The following GRIN2B variants were observed in gnomAD, a reference collection of about 807,000 sequenced individuals.
GRIN2B encodes glutamate ionotropic receptor NMDA type subunit 2B.
GRIN2B carries 5 observed loss-of-function variants against 114.5 expected under a neutral mutation model. That is an observed-to-expected ratio of 0.04 (90% CI 0.02 to 0.09). The LOEUF (loss-of-function observed/expected upper bound fraction) is 0.09. GRIN2B is among the 10% of genes least tolerant of loss of function. The pLI is 1.00. For missense variants in GRIN2B, 1,108 were observed against 1,943.5 expected, an observed-to-expected ratio of 0.57 and a Z score of 8.08; for synonymous variants, 787 against 745.1, an observed-to-expected ratio of 1.06 and a Z score of -0.92.
At chr12:13,889,758 C>G (rs1242416613) in intron 2 of GRIN2B, among the ~76,000 whole-genome samples, 1 of 152,164 alleles carries the variant, frequency 6.6e-6, no homozygotes, top group Non-Finnish European at 1.5e-5. Flanking sequence ...TTCGCACTGG[C>G]AAAATTGGCA....
At chr12:13,865,011 T>C (rs190491553) in intron 3 of GRIN2B, among the ~76,000 whole-genome samples, 1 of 152,322 alleles carries the variant, frequency 6.6e-6, no homozygotes, top group East Asian at 1.9e-4. Context: ...TCCATCTGGA[T>C]GTGCAGATCA....
intron 3 of GRIN2B, among the ~76,000 whole-genome samples, chr12:13,825,493 A>ATATATTTTT (rs1555144006): frequency 1.8e-4 from 5 of 28,126 alleles, no homozygotes; most frequent in African/African-American, 5.7e-4. Flanking sequence ...ATATATATAT[A>ATATATTTTT]TTTTGTGTGT....
At position 13,547,954 on chromosome 12, in the gene GRIN2B, T is replaced by A. The variant is rs1191939603; in HGVS notation, c.*14829A>T. The A allele has an allele frequency of 1.1e-5, 1 of 87,172 alleles. No homozygotes were observed. Among genetic ancestry groups the A allele is most frequent in the Non-Finnish European group, 2.3e-5 (1 of 43,460 alleles). The allele number at this position is 87,172 out of a possible 1,614,324, so 5.4% of individuals were successfully genotyped here. On this transcript the variant is annotated 3_prime_UTR_variant, in exon 14 of 14. Transcript: ENST00000609686. ...ATGTATATGTATGTATGTATGTATG[T>A]GTGTGTATATATATATATATATATA... is the stretch of plus-strand genomic sequence containing the variant.
rs1003412070 is a variant in GRIN2B at position 13,552,357 on chromosome 12, G to T, written c.*10426C>A. On this transcript the variant is annotated 3_prime_UTR_variant, in exon 14 of 14. Coordinates refer to ENST00000609686, the MANE Select transcript of GRIN2B (RefSeq NM_000834.5). ...GCTCTTTCAAGTTTCCCTACTTTCC[G>T]AAGCTATCATTGAAGCCAGTAACCA... 1 of 152,072 alleles carries T rather than the reference G, an allele frequency of 6.6e-6. No homozygotes were observed. The highest frequency in any genetic ancestry group is 2.4e-5 in the African/African-American group (1 of 41,392). 9.4% of individuals were successfully genotyped at this position (152,072 alleles called of 1,614,324 possible).
At chr12:13,643,924 C>A (rs902093650) in intron 5 of GRIN2B, among the ~76,000 whole-genome samples, 5 of 152,144 alleles carry the variant, frequency 3.3e-5, no homozygotes, top group African/African-American at 1.2e-4. Flanking sequence ...ACTGTTTCCA[C>A]CACATCTGTA....
At chr12:13,951,939 A>G (rs778236383) in intron 2 of GRIN2B, among the ~76,000 whole-genome samples, 1 of 152,214 alleles carries the variant, frequency 6.6e-6, no homozygotes, top group Non-Finnish European at 1.5e-5. Flanking sequence ...ATCCTTATTA[A>G]TTGCTTGCAA....
intron 2 of GRIN2B, among the ~76,000 whole-genome samples, chr12:13,944,412 G>T (rs1867326810): frequency 6.6e-6 from 1 of 152,162 alleles, no homozygotes; most frequent in South Asian, 2.1e-4. Flanking sequence ...CAGAAGCAGA[G>T]CTGTGTGTAC....
At chr12:13,919,590 C>T (rs1439116468) in intron 2 of GRIN2B, among the ~76,000 whole-genome samples, 1 of 152,052 alleles carries the variant, frequency 6.6e-6, no homozygotes, top group Non-Finnish European at 1.5e-5. Context: ...TAACAAATGC[C>T]ACGTGATGCA....
chr12:13,630,696 G>A (rs1949608921), intron 5 of GRIN2B, among the ~76,000 whole-genome samples: 1 of 152,048 alleles, frequency 6.6e-6, no homozygotes, highest in Non-Finnish European at 1.5e-5. Flanking sequence ...TGACCCCCTG[G>A]AGACCAACCC....
At chr12:13,899,771 G>A (rs1013350264) in intron 2 of GRIN2B, among the ~76,000 whole-genome samples, 1 of 133,836 alleles carries the variant, frequency 7.5e-6, no homozygotes, top group Non-Finnish European at 1.8e-5. Flanking sequence ...CTATGAAGAC[G>A]TAGCTATGGC....
intron 2 of GRIN2B, among the ~76,000 whole-genome samples, chr12:13,907,176 C>T (rs958963707): frequency 6.6e-6 from 1 of 152,102 alleles, no homozygotes; most frequent in Non-Finnish European, 1.5e-5. Context: ...GAAAGAATCT[C>T]ATAGGTAAGA....
chr12:13,876,557 C>A (rs866802238), intron 2 of GRIN2B, among the ~76,000 whole-genome samples: 1 of 152,306 alleles, frequency 6.6e-6, no homozygotes, highest in Non-Finnish European at 1.5e-5. Context: ...TACTTAAATT[C>A]TAATCCCAGG....
At chr12:13,892,205 G>T (rs1035104659) in intron 2 of GRIN2B, among the ~76,000 whole-genome samples, 4 of 152,078 alleles carry the variant, frequency 2.6e-5, no homozygotes, top group African/African-American at 9.7e-5. Context: ...AAAGAACCAA[G>T]GTGAGATCCT....
intron 9 of GRIN2B, among the ~76,000 whole-genome samples, chr12:13,609,238 A>G (rs867902283): frequency 6.6e-6 from 1 of 152,212 alleles, no homozygotes; most frequent in African/African-American, 2.4e-5. Flanking sequence ...TTATATTTGT[A>G]TCTACCAAGA....
At chr12:13,836,014 A>G (rs1591759379) in intron 3 of GRIN2B, among the ~76,000 whole-genome samples, 1 of 152,224 alleles carries the variant, frequency 6.6e-6, no homozygotes, top group African/African-American at 2.4e-5. Flanking sequence ...AGGCCCAGCC[A>G]TTCTTCAAGA....
intron 5 of GRIN2B, among the ~76,000 whole-genome samples, chr12:13,620,062 G>A (rs138536434): frequency 5.3e-5 from 8 of 152,226 alleles, no homozygotes; most frequent in African/African-American, 1.9e-4. Flanking sequence ...AAAGTACTCC[G>A]GCATTCAGAG....
chr12:13,672,705 G>T (rs999292156), intron 5 of GRIN2B, among the ~76,000 whole-genome samples: 9 of 152,112 alleles, frequency 5.9e-5, no homozygotes, highest in African/African-American at 1.9e-4. Context: ...TAATTGAGTC[G>T]ATATGAAAAT....
intron 2 of GRIN2B, among the ~76,000 whole-genome samples, chr12:13,870,143 T>C (rs1404531874): frequency 2.0e-5 from 3 of 152,156 alleles, no homozygotes; most frequent in African/African-American, 7.2e-5. Context: ...GTTAGTTCCC[T>C]GAGCGATATA....
chr12:13,832,334 G>A (rs1052121978), intron 3 of GRIN2B, among the ~76,000 whole-genome samples: 3 of 152,146 alleles, frequency 2.0e-5, no homozygotes, highest in Non-Finnish European at 4.4e-5. Context: ...CATCTTCATA[G>A]TACAAACATG....
Sources: allele counts gnomAD v4.1 joint callset (sites outside exome capture counted in the v4.1 genomes callset), GRCh38; gene constraint gnomAD v4.1.1; transcripts MANE v1.5; gene names NCBI Gene and HGNC (gene_info 2026-07-23, HGNC 2026-07-21).